Variants in ERAP1 observed in about 807,000 individuals in gnomAD.
ERAP1 encodes adipocyte-derived leucine aminopeptidase.
In ERAP1, 86 loss-of-function variants were observed where a neutral mutation model predicts 103.7. The observed-to-expected ratio is 0.83, with a 90% confidence interval of 0.70 to 0.99. The LOEUF (loss-of-function observed/expected upper bound fraction) is 0.99, where lower values mean the gene tolerates loss of function less well. Ranked by LOEUF, ERAP1 falls within the 50% of genes least tolerant of loss-of-function variation. The pLI, the probability that ERAP1 is intolerant of heterozygous loss-of-function variation, is 0.00. For missense variants in ERAP1, 1,009 were observed against 1,128.4 expected, an observed-to-expected ratio of 0.89 and a Z score of 1.52; for synonymous variants, 398 against 402.4, an observed-to-expected ratio of 0.99 and a Z score of 0.13.
At chr5:96,770,523 T>C, downstream of ERAP1, 1 of 1,605,148 alleles carries the variant, frequency 6.2e-7, no homozygotes, top group Non-Finnish European at 8.5e-7. Context: ...ACATTTCCTT[T>C]GCTTTAGGAT....
chr5:96,863,494 T>C, the ERAP1 span, among the ~76,000 whole-genome samples: 4,425 of 152,192 alleles, frequency 0.029, 134 homozygotes, highest in African/African-American at 0.071. Context: ...TTTCATGAAA[T>C]TCTCTTCTCT....
the ERAP1 span, among the ~76,000 whole-genome samples, chr5:96,864,343 T>C: frequency 6.6e-6 from 1 of 152,226 alleles, no homozygotes; most frequent in Non-Finnish European, 1.5e-5. Context: ...CTTTGTGTTT[T>C]CCCTTAGAGA....
At chr5:96,903,360 C>T in the ERAP1 span, 2 of 1,586,110 alleles carry the variant, frequency 1.3e-6, no homozygotes, top group Non-Finnish European at 1.7e-6. Flanking sequence ...ATGCCTATGC[C>T]AATCTTATCC....
At chr5:96,774,052 T>G (rs1036487927), downstream of ERAP1, 2 of 152,392 alleles carry the variant, frequency 1.3e-5, no homozygotes, top group African/African-American at 2.4e-5. Context: ...TCAGAAATAG[T>G]CATTATTCTA....
chr5:96,909,956 A>G, the ERAP1 span: 1 of 541,480 alleles, frequency 1.8e-6, no homozygotes, highest in African/African-American at 1.9e-5. Context: ...CTACCATGAA[A>G]TGTAATGGTG....
exon 20 of ERAP1, chr5:96,762,618 C>T: frequency 2.5e-6 from 1 of 405,686 alleles, no homozygotes; most frequent in Non-Finnish European, 4.4e-6. Flanking sequence ...ATTATTGTTG[C>T]TTTATAAGAA....
chr5:96,856,365 T>TATATAGAGAG, the ERAP1 span, among the ~76,000 whole-genome samples: 64 of 20,382 alleles, frequency 3.1e-3, 1 homozygote, highest in Non-Finnish European at 3.4e-3. Flanking sequence ...TATATATATA[T>TATATAGAGAG]AGAGAGAGAG....
At chr5:96,899,771 T>C in the ERAP1 span, among the ~76,000 whole-genome samples, 1 of 152,132 alleles carries the variant, frequency 6.6e-6, no homozygotes, top group African/African-American at 2.4e-5. Flanking sequence ...AATAGGGGCA[T>C]ACATAACATG....
the ERAP1 span, among the ~76,000 whole-genome samples, chr5:96,884,087 T>C: frequency 2.6e-5 from 4 of 151,592 alleles, no homozygotes; most frequent in Non-Finnish European, 5.9e-5. Context: ...TCTATCATCA[T>C]AATTTCAATC....
downstream of ERAP1, chr5:96,774,446 G>GTCTAGTTAGGAGAGAGAAAAT: frequency 1.1e-6 from 1 of 926,084 alleles, no homozygotes; most frequent in Non-Finnish European, 1.3e-6. Context: ...CCTTTTTACA[G>GTCTAGTTAGGAGAGAGAAAAT]TCTAGTTAGG....
the ERAP1 span, among the ~76,000 whole-genome samples, chr5:96,885,932 A>G: frequency 6.6e-6 from 1 of 152,238 alleles, no homozygotes; most frequent in Middle Eastern, 3.2e-3. Context: ...GGAGATGGAC[A>G]GAAGCTTAAA....
At chr5:96,896,821 T>C in the ERAP1 span, 3 of 1,286,146 alleles carry the variant, frequency 2.3e-6, no homozygotes, top group African/African-American at 2.2e-5. Flanking sequence ...AGTTCAGCTA[T>C]AGAAATGCTA....
At chr5:96,786,062 G>T in intron 12 of ERAP1, 91 bp from the exon 13 acceptor site, 1 of 1,254,452 alleles carries the variant, frequency 8.0e-7, no homozygotes, top group Non-Finnish European at 1.1e-6. Context: ...AATTAGAGAA[G>T]AGTTTAATAC....
chr5:96,919,914 G>A, the ERAP1 span, among the ~76,000 whole-genome samples: 1 of 152,202 alleles, frequency 6.6e-6, no homozygotes, highest in Non-Finnish European at 1.5e-5. Flanking sequence ...GGCCCATTGA[G>A]AATTATGTGG....
chr5:96,794,330 A>G (rs1777103744), intron 5 of ERAP1, among the ~76,000 whole-genome samples: 1 of 151,910 alleles, frequency 6.6e-6, no homozygotes, highest in South Asian at 2.1e-4. Flanking sequence ...CTGGGACTAC[A>G]AGAGTGCACC....
chr5:96,906,245 C>T, the ERAP1 span, among the ~76,000 whole-genome samples: 1 of 151,334 alleles, frequency 6.6e-6, no homozygotes, highest in Non-Finnish European at 1.5e-5. Context: ...CTTCCTCTTC[C>T]TCTTCTACTT....
chr5:96,922,059 G>A, the ERAP1 span, among the ~76,000 whole-genome samples: 2 of 152,198 alleles, frequency 1.3e-5, no homozygotes, highest in Admixed American at 6.5e-5. Context: ...AGCACTTTGG[G>A]AGGCCGAGGC....
the ERAP1 span, chr5:96,889,501 T>C: frequency 1.4e-6 from 1 of 710,908 alleles, no homozygotes; most frequent in East Asian, 2.5e-5. Flanking sequence ...ACAGTGTGGA[T>C]CATTTCTCTA....
the ERAP1 span, among the ~76,000 whole-genome samples, chr5:96,895,820 A>G: frequency 1.3e-5 from 2 of 152,146 alleles, no homozygotes; most frequent in African/African-American, 4.8e-5. Flanking sequence ...AAAAACGAAT[A>G]TAGTGGTCTG....
Sources: gnomAD v4.1 joint callset for allele counts (sites outside exome capture counted in the v4.1 genomes callset) on GRCh38, gnomAD v4.1.1 for gene constraint, MANE v1.5 for transcripts, NCBI Gene and HGNC (gene_info 2026-07-23, HGNC 2026-07-21) for gene names.